RBFOX1: variants seen among roughly 807,000 people sequenced by gnomAD.
RBFOX1 encodes the protein RNA binding fox-1 homolog 1, also known as RNA binding protein fox-1 homolog 1.
Under a neutral mutation model 57.7 loss-of-function variants are expected in RBFOX1, and 8 were observed. The ratio of observed to expected loss-of-function variants is 0.14; its 90% CI spans 0.08 to 0.25. The LOEUF (loss-of-function observed/expected upper bound fraction) is 0.25, where lower values mean the gene tolerates loss of function less well. Among genes scored for constraint, RBFOX1 ranks in the 10% least tolerant of loss-of-function variants. RBFOX1 has a pLI of 1.00. For missense variants in RBFOX1, 611 were observed against 548.5 expected, an observed-to-expected ratio of 1.11 and a Z score of -1.14; for synonymous variants, 326 against 222.4, an observed-to-expected ratio of 1.47 and a Z score of -4.15.
At chr16:6,373,293 G>C (rs2090736358) in intron 2 of RBFOX1, among the ~76,000 whole-genome samples, 1 of 152,028 alleles carries the variant, frequency 6.6e-6, no homozygotes, top group Non-Finnish European at 1.5e-5. Context: ...CGGATGGGAG[G>C]ATGGTTGGTA....
intron 5 of RBFOX1, among the ~76,000 whole-genome samples, chr16:7,552,134 T>G (rs2086743643): frequency 6.6e-6 from 1 of 152,220 alleles, no homozygotes; most frequent in African/African-American, 2.4e-5. Context: ...CCCATGTTGG[T>G]ACAGTAGAGA....
intron 3 of RBFOX1, among the ~76,000 whole-genome samples, chr16:6,834,428 T>C (rs1197846226): frequency 2.6e-5 from 4 of 151,996 alleles, no homozygotes; most frequent in African/African-American, 9.7e-5. Flanking sequence ...GGAGAACACT[T>C]GTTTGGGAGG....
intron 3 of RBFOX1, among the ~76,000 whole-genome samples, chr16:6,729,950 A>T (rs1603468177): frequency 6.6e-6 from 1 of 152,154 alleles, no homozygotes; most frequent in Admixed American, 6.5e-5. Context: ...ATAATGGCTG[A>T]TCAAAAACTC....
intron 3 of RBFOX1, among the ~76,000 whole-genome samples, chr16:6,950,291 C>G (rs1162170788): frequency 6.6e-6 from 1 of 151,888 alleles, no homozygotes; most frequent in African/African-American, 2.4e-5. Flanking sequence ...ACCATGCTCC[C>G]CTCTGCATCT....
chr16:6,510,196 AT>A (rs2096223210), intron 2 of RBFOX1, among the ~76,000 whole-genome samples: 1 of 152,110 alleles, frequency 6.6e-6, no homozygotes, highest in Admixed American at 6.5e-5. Context: ...ATAAAGATTT[AT>A]TTTTATTAGC....
chr16:6,767,949 A>ATAATAATAATAATAATAATAAT (rs1491137745), intron 3 of RBFOX1, among the ~76,000 whole-genome samples: 4 of 74,480 alleles, frequency 5.4e-5, no homozygotes, highest in African/African-American at 2.6e-4. Flanking sequence ...AATAATAATA[A>ATAATAATAATAATAATAATAAT]GAAGAAGAAG....
intron 3 of RBFOX1, among the ~76,000 whole-genome samples, chr16:5,769,061 C>A (rs1332376417): frequency 2.0e-5 from 3 of 151,592 alleles, no homozygotes; most frequent in African/African-American, 7.3e-5. Flanking sequence ...CTATAAACTA[C>A]CAACAGGTCA....
chr16:5,298,704 C>G (rs113903355), intron 1 of RBFOX1, among the ~76,000 whole-genome samples: 7 of 19,190 alleles, frequency 3.6e-4, no homozygotes, highest in African/African-American at 1.2e-3. Flanking sequence ...TCCTTTCTTT[C>G]ATTTCTTTCA....
chr16:6,298,902 A>T (rs2078457974), intron 1 of RBFOX1, among the ~76,000 whole-genome samples: 1 of 152,170 alleles, frequency 6.6e-6, no homozygotes, highest in African/African-American at 2.4e-5. Context: ...GACATTCCTC[A>T]TGTGGTGCTT....
intron 14 of RBFOX1, among the ~76,000 whole-genome samples, chr16:7,694,161 A>T (rs1215565857): frequency 6.6e-6 from 1 of 152,198 alleles, no homozygotes; most frequent in African/African-American, 2.4e-5. Context: ...CTAAACTATG[A>T]CCAAAACAAT....
intron 2 of RBFOX1, among the ~76,000 whole-genome samples, chr16:6,547,181 A>G (rs2096908376): frequency 1.3e-5 from 2 of 152,166 alleles, no homozygotes; most frequent in African/African-American, 4.8e-5. Context: ...GGAAACGTTT[A>G]TTATAAAATG....
Position 5,998,719 on chromosome 16 carries a change from C to G in RBFOX1, c.351+131384C>G, listed in dbSNP as rs574193146. Among the ~76,000 whole-genome samples the G allele has an allele frequency of 8.8e-4, 134 of 152,232 alleles. 1 individual carries two copies. The highest frequency in any genetic ancestry group is 1.4e-3 in the Admixed American group (21 of 15,278). On this transcript the variant is annotated intron_variant, in intron 4 of 19. Coordinates refer to the RBFOX1 transcript ENST00000641259. ...GCTTACAGAATATGAGAACTTTACC[C>G]AGTCTCTGATTGTCCATAATTAAAG...
intron 12 of RBFOX1, among the ~76,000 whole-genome samples, chr16:7,657,527 A>C (rs2066611356): frequency 6.6e-6 from 1 of 151,712 alleles, no homozygotes. Flanking sequence ...CTGGTCTTGA[A>C]CTCCTGACCT....
intron 1 of RBFOX1, among the ~76,000 whole-genome samples, chr16:6,093,601 CG>C (rs938010009): frequency 6.6e-6 from 1 of 151,854 alleles, no homozygotes. Context: ...GGGCATGGGA[CG>C]GTCTGTGAAT....
chr16:5,324,677 G>A (rs762491943), intron 1 of RBFOX1, among the ~76,000 whole-genome samples: 7 of 152,172 alleles, frequency 4.6e-5, no homozygotes, highest in Non-Finnish European at 8.8e-5. Flanking sequence ...GGAGCTAGAG[G>A]CCATTATCCT....
At chr16:7,415,369 G>C (rs1379342305) in intron 4 of RBFOX1, among the ~76,000 whole-genome samples, 1 of 152,164 alleles carries the variant, frequency 6.6e-6, no homozygotes, top group Non-Finnish European at 1.5e-5. Context: ...TACAGATCTA[G>C]AGGGTAGCTC....
chr16:6,609,694 T>A (rs2154023214), intron 2 of RBFOX1, among the ~76,000 whole-genome samples: 1 of 152,294 alleles, frequency 6.6e-6, no homozygotes, highest in East Asian at 1.9e-4. Flanking sequence ...AGTGTTTCCT[T>A]CATAGATAAC....
At chr16:7,215,177 T>G (rs2091832048) in intron 4 of RBFOX1, among the ~76,000 whole-genome samples, 1 of 152,176 alleles carries the variant, frequency 6.6e-6, no homozygotes, top group South Asian at 2.1e-4. Context: ...TCTGTTCCTG[T>G]GTTAGTTTGC....
chr16:7,003,256 C>G (rs1426532528), intron 3 of RBFOX1, among the ~76,000 whole-genome samples: 3 of 151,864 alleles, frequency 2.0e-5, no homozygotes, highest in African/African-American at 4.8e-5. Flanking sequence ...GTCAGCAGAT[C>G]AAGACCATCC....
Sources: gnomAD v4.1 joint callset for allele counts (sites outside exome capture counted in the v4.1 genomes callset) on GRCh38, gnomAD v4.1.1 for gene constraint, MANE v1.5 for transcripts, NCBI Gene and HGNC (gene_info 2026-07-23, HGNC 2026-07-21) for gene names.